MYO16: variants seen among roughly 807,000 people sequenced by gnomAD.
The protein encoded by MYO16 is myosin XVI.
A neutral mutation model predicts 205.3 loss-of-function variants in MYO16; 94 were observed. That is an observed-to-expected ratio of 0.46 (90% CI 0.39 to 0.54). The LOEUF (loss-of-function observed/expected upper bound fraction) is 0.54, where lower values mean the gene tolerates loss of function less well. MYO16 is among the 20% of genes least tolerant of loss of function. MYO16 has a pLI of 0.00. For synonymous variants in MYO16, 988 were observed against 954.0 expected, an observed-to-expected ratio of 1.04 and a Z score of -0.66; for missense variants, 2,315 against 2,387.5, an observed-to-expected ratio of 0.97 and a Z score of 0.63.
rs76948524 is a variant in MYO16, at chr13:109,141,620, C to A, written c.5164+244C>A. Reference sequence around the variant, plus strand: ...GCTCGTGATATAGAAAGACGCAGACCGCAACTGGATTTAATAAATTATAAC... The same window carrying A: ...GCTCGTGATATAGAAAGACGCAGACAGCAACTGGATTTAATAAATTATAAC... On this transcript the variant is annotated intron_variant, in intron 32 of 34. Coordinates refer to ENST00000457511, the MANE Select transcript of MYO16 (RefSeq NM_001198950.3). The surrounding 1 kb of genome is among the most constrained non-coding windows in gnomAD (Gnocchi z 4.1). Among the ~76,000 whole-genome samples, 1 of 152,062 alleles carries A rather than the reference C, an allele frequency of 6.6e-6. No individual in the cohort carries two copies. The highest frequency in any genetic ancestry group is 1.5e-5 in the Non-Finnish European group (1 of 68,020).
Position 108,867,203 on chromosome 13 carries a change from CAAAA to C in MYO16, c.1425+962_1425+965del, listed in dbSNP as rs1156605557. ...CTGCAAAAAACAAAACAAAACAAAACAAAACAAAAACAATTAGCCAGCTGTGGTG... is the reference window on the plus strand; with the variant it reads ...CTGCAAAAAACAAAACAAAACAAAACCAAAAACAATTAGCCAGCTGTGGTG... On this transcript the variant is annotated intron_variant, in intron 12 of 34. Coordinates refer to ENST00000457511, the MANE Select transcript of MYO16 (RefSeq NM_001198950.3). 5.9e-5 allele frequency among the ~76,000 whole-genome samples: 9 copies of C among 151,754 alleles called. No individual in the cohort carries two copies. In the South Asian group the frequency reaches 8.3e-4, roughly 14 times the overall value.
intron 16 of MYO16, among the ~76,000 whole-genome samples, chr13:108,922,905 G>A (rs1387135487): frequency 6.6e-6 from 1 of 152,126 alleles, no homozygotes; most frequent in Admixed American, 6.5e-5. Flanking sequence ...CTTGACATAT[G>A]TTATCTCCCC....
At chr13:108,592,604 T>C (rs1056761660), upstream of MYO16, among the ~76,000 whole-genome samples, 1 of 139,036 alleles carries the variant, frequency 7.2e-6, no homozygotes, top group Non-Finnish European at 1.6e-5. Flanking sequence ...AGGTGTGGTA[T>C]GTAGGGGTGT....
chr13:108,741,491 C>T (rs1461047840), intron 4 of MYO16, among the ~76,000 whole-genome samples: 2 of 152,080 alleles, frequency 1.3e-5, no homozygotes, highest in Non-Finnish European at 2.9e-5. Context: ...ACAGAAAGGA[C>T]TTGTTTATTC....
intron 33 of MYO16, among the ~76,000 whole-genome samples, chr13:109,171,255 CAT>C (rs1488123050): frequency 6.6e-6 from 1 of 152,180 alleles, no homozygotes; most frequent in African/African-American, 2.4e-5. Context: ...AAACATTACA[CAT>C]GTGCAGAATG....
At chr13:108,864,609 G>C (rs1878614817) in intron 11 of MYO16, among the ~76,000 whole-genome samples, 1 of 151,960 alleles carries the variant, frequency 6.6e-6, no homozygotes, top group Non-Finnish European at 1.5e-5. Flanking sequence ...GCTTACTGCA[G>C]CCTCAACCTT....
At chr13:108,557,946 T>G in the MYO16 span, among the ~76,000 whole-genome samples, 1 of 152,156 alleles carries the variant, frequency 6.6e-6, no homozygotes, top group Non-Finnish European at 1.5e-5. Context: ...CACATACACA[T>G]ATATGTTATC....
the MYO16 span, among the ~76,000 whole-genome samples, chr13:108,570,087 G>C: frequency 6.6e-6 from 1 of 151,982 alleles, no homozygotes; most frequent in Non-Finnish European, 1.5e-5. Flanking sequence ...TCTATACATA[G>C]TATTATTATG....
At chr13:108,599,246 G>A (rs1878674652) in intron 1 of MYO16, among the ~76,000 whole-genome samples, 1 of 149,588 alleles carries the variant, frequency 6.7e-6, no homozygotes, top group Admixed American at 6.7e-5. Context: ...TATCATTGTT[G>A]GACATTTGGG....
At chr13:108,597,641 T>C (rs1878609243) in intron 1 of MYO16, among the ~76,000 whole-genome samples, 1 of 152,292 alleles carries the variant, frequency 6.6e-6, no homozygotes, top group Admixed American at 6.5e-5. Flanking sequence ...TAAAATGCAA[T>C]TGGTAGTTCT....
chr13:108,926,491 A>G (rs1882011728), intron 16 of MYO16, among the ~76,000 whole-genome samples: 1 of 152,154 alleles, frequency 6.6e-6, no homozygotes, highest in Non-Finnish European at 1.5e-5. Context: ...GGTGCACTCA[A>G]GGAGGCATCG....
chr13:108,746,335 T>C (rs1885062050), intron 4 of MYO16, among the ~76,000 whole-genome samples: 1 of 152,128 alleles, frequency 6.6e-6, no homozygotes, highest in African/African-American at 2.4e-5. Context: ...TAAACTGAAA[T>C]GCAAAAAGAA....
intron 9 of MYO16, among the ~76,000 whole-genome samples, chr13:108,840,488 T>C (rs1260419216): frequency 6.6e-6 from 1 of 152,218 alleles, no homozygotes; most frequent in Non-Finnish European, 1.5e-5. Context: ...TGTGTATTTA[T>C]ATACTAAAAT....
intron 23 of MYO16, among the ~76,000 whole-genome samples, chr13:109,026,766 C>T (rs1310505657): frequency 6.6e-6 from 1 of 152,184 alleles, no homozygotes; most frequent in Non-Finnish European, 1.5e-5. Context: ...CATCTTCCCT[C>T]AGATCAAGTT....
chr13:108,555,886 A>T, the MYO16 span, among the ~76,000 whole-genome samples: 4 of 152,174 alleles, frequency 2.6e-5, no homozygotes, highest in Non-Finnish European at 5.9e-5. Context: ...ACTTACCATA[A>T]TGTGGTCCAA....
At chr13:108,988,420 C>A (rs1884711433) in intron 20 of MYO16, among the ~76,000 whole-genome samples, 1 of 151,832 alleles carries the variant, frequency 6.6e-6, no homozygotes, top group South Asian at 2.1e-4. Flanking sequence ...TTTAGTTTTT[C>A]TCCTGACAAT....
chr13:108,812,393 GT>G (rs2138996823), intron 7 of MYO16, among the ~76,000 whole-genome samples: 1 of 152,302 alleles, frequency 6.6e-6, no homozygotes, highest in South Asian at 2.1e-4. Context: ...TACTGGCTAA[GT>G]TACTATTTAT....
chr13:108,542,458 C>T, the MYO16 span, among the ~76,000 whole-genome samples: 2 of 152,140 alleles, frequency 1.3e-5, no homozygotes, highest in Non-Finnish European at 1.5e-5. Flanking sequence ...ATCTGTACCC[C>T]TGAACCTAAA....
intron 15 of MYO16, among the ~76,000 whole-genome samples, chr13:108,900,526 A>G (rs1880657133): frequency 6.6e-6 from 1 of 152,220 alleles, no homozygotes; most frequent in Non-Finnish European, 1.5e-5. Context: ...TAATACTTTT[A>G]TAATTTCTTA....
Sources: allele counts gnomAD v4.1 joint callset (sites outside exome capture counted in the v4.1 genomes callset), GRCh38; gene constraint gnomAD v4.1.1; non-coding constraint Gnocchi (gnomAD v3.1); transcripts MANE v1.5; gene names NCBI Gene and HGNC (gene_info 2026-07-23, HGNC 2026-07-21).